SPATA17: variants seen among roughly 807,000 people sequenced by gnomAD.
SPATA17 encodes the protein spermatogenesis-associated protein 17.
In SPATA17, 53 loss-of-function variants were observed where a neutral mutation model predicts 62.2. The ratio of observed to expected loss-of-function variants is 0.85; its 90% CI spans 0.68 to 1.07. The LOEUF (loss-of-function observed/expected upper bound fraction) is 1.07. Ranked by LOEUF, SPATA17 falls within the 50% of genes least tolerant of loss-of-function variation. SPATA17 has a pLI of 0.00. For synonymous variants in SPATA17, 146 were observed against 146.8 expected (o/e 0.99, Z 0.04); for missense variants, 466 against 425.5 (o/e 1.10, Z -0.84).
chr1:217,825,204 C>T (rs1474791894), intron 9 of SPATA17, among the ~76,000 whole-genome samples: 2 of 151,548 alleles, frequency 1.3e-5, no homozygotes, highest in African/African-American at 2.4e-5. Flanking sequence ...AGGATAGTGG[C>T]TGTCTCTAAT....
intron 9 of SPATA17, chr1:217,850,473 A>G (rs2103011223): frequency 1.5e-6 from 2 of 1,301,156 alleles, no homozygotes; most frequent in Non-Finnish European, 1.0e-6. Context: ...CAGAAAGAGT[A>G]CAGCCTCTTC....
intron 5 of SPATA17, among the ~76,000 whole-genome samples, chr1:217,732,641 G>GC (rs1672426136): frequency 6.6e-6 from 1 of 152,054 alleles, no homozygotes; most frequent in South Asian, 2.1e-4. Flanking sequence ...ATGCAGGAAA[G>GC]CCCCCATGCT....
At chr1:217,669,440 A>G (rs1175265860) in intron 4 of SPATA17, among the ~76,000 whole-genome samples, 2 of 152,206 alleles carry the variant, frequency 1.3e-5, no homozygotes, top group Non-Finnish European at 2.9e-5. Context: ...ATTCCTGCCC[A>G]ATACAAATCA....
intron 9 of SPATA17, among the ~76,000 whole-genome samples, chr1:217,854,416 T>TTAA (rs373865988): frequency 6.6e-6 from 1 of 152,150 alleles, no homozygotes; most frequent in African/African-American, 2.4e-5. Flanking sequence ...CACCATCATA[T>TTAA]TAAGGATAAA....
intron 9 of SPATA17, among the ~76,000 whole-genome samples, chr1:217,808,840 C>T (rs1353536365): frequency 6.9e-6 from 1 of 145,382 alleles, no homozygotes; most frequent in South Asian, 2.3e-4. Context: ...GGTGACAGAG[C>T]GAGACTCTGT....
intron 9 of SPATA17, among the ~76,000 whole-genome samples, chr1:217,855,986 A>G (rs1675778073): frequency 1.3e-5 from 2 of 151,910 alleles, no homozygotes; most frequent in South Asian, 2.1e-4. Context: ...GAACCCCCCA[A>G]AGTGCTGGGA....
chr1:217,676,459 T>A (rs1446476305), intron 4 of SPATA17, among the ~76,000 whole-genome samples: 1 of 152,182 alleles, frequency 6.6e-6, no homozygotes, highest in Non-Finnish European at 1.5e-5. Context: ...AAAGGGACTC[T>A]AACATTTTTA....
chr1:217,818,739 A>G (rs1674782983), intron 9 of SPATA17, among the ~76,000 whole-genome samples: 1 of 151,874 alleles, frequency 6.6e-6, no homozygotes, highest in Admixed American at 6.6e-5. Flanking sequence ...GGAAATATTT[A>G]TTAGATTATA....
intron 5 of SPATA17, among the ~76,000 whole-genome samples, chr1:217,683,912 C>A (rs1371096108): frequency 6.6e-6 from 1 of 151,820 alleles, no homozygotes; most frequent in African/African-American, 2.4e-5. Context: ...TGTGTAGTAT[C>A]TTGGTCCTAT....
rs956168252 is a variant in SPATA17, at chr1:217,649,667, G to A, written c.158+696G>A. 5.3e-5 allele frequency among the ~76,000 whole-genome samples: 8 copies of A among 151,134 alleles called. No homozygotes were observed. In the South Asian group the frequency reaches 8.4e-4, roughly 16 times the overall value. On this transcript the variant is annotated intron_variant, in intron 2 of 10. Coordinates refer to ENST00000366933, the MANE Select transcript of SPATA17 (RefSeq NM_138796.4). ...ATGTTGGTAGATAAAATAAAATGAC[G>A]CATGGATGATGTCATTCTGACTATA...
intron 1 of SPATA17, among the ~76,000 whole-genome samples, chr1:217,636,288 A>T (rs73105698): frequency 2.6e-4 from 39 of 152,358 alleles, no homozygotes; most frequent in African/African-American, 8.9e-4. Flanking sequence ...AATGGCTAGC[A>T]TCAGAATAAT....
chr1:217,721,473 G>A (rs1265510901), intron 5 of SPATA17, among the ~76,000 whole-genome samples: 5 of 152,162 alleles, frequency 3.3e-5, no homozygotes, highest in Admixed American at 1.3e-4. Context: ...ACTTAATTTG[G>A]GTCTGGTGGC....
intron 6 of SPATA17, among the ~76,000 whole-genome samples, chr1:217,757,193 A>G (rs1673066626): frequency 6.6e-6 from 1 of 152,232 alleles, no homozygotes; most frequent in African/African-American, 2.4e-5. Context: ...GTTAGAGCCC[A>G]ATACATAAAT....
chr1:217,709,289 G>A (rs1344075983), intron 5 of SPATA17, among the ~76,000 whole-genome samples: 4 of 152,148 alleles, frequency 2.6e-5, no homozygotes, highest in South Asian at 2.1e-4. Context: ...ATCTGGGAGG[G>A]GCTTTGCTGT....
At chr1:217,726,499 A>T (rs1672259833) in intron 5 of SPATA17, among the ~76,000 whole-genome samples, 1 of 152,148 alleles carries the variant, frequency 6.6e-6, no homozygotes, top group African/African-American at 2.4e-5. Flanking sequence ...TGGGGTTCTC[A>T]CTAGGGCCGT....
intron 9 of SPATA17, among the ~76,000 whole-genome samples, chr1:217,812,503 AT>A (rs1044371481): frequency 2.0e-5 from 3 of 152,096 alleles, no homozygotes; most frequent in African/African-American, 7.2e-5. Context: ...TAATTTACTC[AT>A]TTTTTTAATC....
chr1:217,845,756 T>C (rs1051272722), intron 9 of SPATA17, among the ~76,000 whole-genome samples: 1 of 152,098 alleles, frequency 6.6e-6, no homozygotes, highest in Non-Finnish European at 1.5e-5. Flanking sequence ...TTATCTTCCA[T>C]TGTAAAGCAT....
intron 9 of SPATA17, among the ~76,000 whole-genome samples, chr1:217,812,811 T>G (rs1674624031): frequency 6.6e-6 from 1 of 152,234 alleles, no homozygotes; most frequent in South Asian, 2.1e-4. Context: ...AATGATATTC[T>G]AAAGCCTTTA....
intron 4 of SPATA17, among the ~76,000 whole-genome samples, chr1:217,669,658 A>G (rs1247369414): frequency 6.6e-6 from 1 of 152,190 alleles, no homozygotes; most frequent in African/African-American, 2.4e-5. Flanking sequence ...AGACAATATG[A>G]TAATAATTTA....
Sources: allele counts gnomAD v4.1 joint callset (sites outside exome capture counted in the v4.1 genomes callset), GRCh38; gene constraint gnomAD v4.1.1; transcripts MANE v1.5; gene names NCBI Gene and HGNC (gene_info 2026-07-23, HGNC 2026-07-21).